The following TMEM232 variants were observed in gnomAD, a reference collection of about 807,000 sequenced individuals.
TMEM232 encodes the protein transmembrane protein 232.
TMEM232 carries 80 observed loss-of-function variants against 78.8 expected under a neutral mutation model. That is an observed-to-expected ratio of 1.01 (90% confidence interval 0.85 to 1.22). TMEM232 has a LOEUF of 1.22. TMEM232 is among the 50% of genes most tolerant of loss of function. TMEM232 has a pLI of 0.00. For missense variants in TMEM232, 881 were observed against 742.2 expected, an observed-to-expected ratio of 1.19 and a Z score of -2.17; for synonymous variants, 297 against 254.3, an observed-to-expected ratio of 1.17 and a Z score of -1.60.
At chr5:110,700,613 G>A (rs1051411009) in intron 1 of TMEM232, among the ~76,000 whole-genome samples, 6 of 151,940 alleles carry the variant, frequency 3.9e-5, no homozygotes, top group Non-Finnish European at 8.8e-5. Flanking sequence ...ATTGCAAAAA[G>A]TTGAAATGGG....
chr5:110,578,777 C>A (rs28470846), intron 10 of TMEM232, among the ~76,000 whole-genome samples: 11,414 of 151,712 alleles, frequency 0.075, 543 homozygotes, highest in South Asian at 0.2. Flanking sequence ...AACATCAATT[C>A]GATAGGAACA....
chr5:110,732,270 T>G lies in TMEM232; in HGVS notation c.-13+2633A>C, dbSNP rs926921474. ...ACTTTCCCATATTTTCCTGTCTTCTTCTGAGCCCTCCAAACTATTCCAACT... is the reference window on the plus strand; with the variant it reads ...ACTTTCCCATATTTTCCTGTCTTCTGCTGAGCCCTCCAAACTATTCCAACT... On this transcript the variant is annotated intron_variant, in intron 2 of 4. Coordinates refer to the TMEM232 transcript ENST00000512886. Among the ~76,000 whole-genome samples the G allele has an allele frequency of 2.6e-5, 4 of 152,202 alleles. No homozygotes were observed. The South Asian group carries it at 8.3e-4, about 32-fold the overall frequency.
intron 12 of TMEM232, 62 bp downstream of exon 12, chr5:110,528,526 A>T (rs761162997): frequency 2.8e-5 from 39 of 1,395,460 alleles, no homozygotes; most frequent in Non-Finnish European, 3.6e-5. Context: ...AATTATCTAT[A>T]ATTTCTGTGA....
At chr5:110,637,588 T>A (rs982447838) in intron 5 of TMEM232, among the ~76,000 whole-genome samples, 6 of 151,260 alleles carry the variant, frequency 4.0e-5, no homozygotes, top group Non-Finnish European at 7.4e-5. Context: ...TATATATATA[T>A]AAAAAACCAT....
At chr5:110,640,184 G>A (rs1786470915) in intron 4 of TMEM232, among the ~76,000 whole-genome samples, 1 of 152,156 alleles carries the variant, frequency 6.6e-6, no homozygotes, top group Admixed American at 6.5e-5. Flanking sequence ...GCTGTGGATG[G>A]CACTGTGATG....
chr5:110,540,466 T>C (rs1772962340), intron 11 of TMEM232, among the ~76,000 whole-genome samples: 2 of 152,208 alleles, frequency 1.3e-5, no homozygotes, highest in African/African-American at 4.8e-5. Context: ...TTGAAACCTG[T>C]AGCACCTTGA....
intron 7 of TMEM232, among the ~76,000 whole-genome samples, chr5:110,622,896 G>A (rs1323114115): frequency 6.6e-6 from 1 of 151,748 alleles, no homozygotes; most frequent in African/African-American, 2.4e-5. Context: ...AATGCTAGAT[G>A]ACGAGTTAGT....
chr5:110,524,257 T>A (rs1484000327), intron 12 of TMEM232, among the ~76,000 whole-genome samples: 1 of 87,686 alleles, frequency 1.1e-5, no homozygotes, highest in African/African-American at 7.7e-5. Flanking sequence ...CGAGACTCAG[T>A]CTCAAAAAAA....
At chr5:110,410,814 T>A (rs1161394965) in intron 2 of TMEM232, among the ~76,000 whole-genome samples, 1 of 152,072 alleles carries the variant, frequency 6.6e-6, no homozygotes, top group Non-Finnish European at 1.5e-5. Context: ...CTGGTTTGAG[T>A]TTGCATTGCT....
At chr5:110,706,116 T>C (rs886983305) in intron 1 of TMEM232, among the ~76,000 whole-genome samples, 1 of 152,082 alleles carries the variant, frequency 6.6e-6, no homozygotes, top group African/African-American at 2.4e-5. Flanking sequence ...ATTTTGGGAA[T>C]TTGAACTCGA....
rs78640424 is a variant in TMEM232, at chr5:110,448,750, T to C, written c.1704-23834A>G. Among the ~76,000 whole-genome samples, 846 of 152,132 alleles carry C rather than the reference T, an allele frequency of 5.6e-3. 8 individuals are homozygous for C. Among genetic ancestry groups the C allele is most frequent in the African/African-American group, 0.02 (815 of 41,546 alleles). On this transcript the variant is annotated intron_variant, in intron 12 of 13. Coordinates refer to ENST00000455884, the MANE Select transcript of TMEM232 (RefSeq NM_001039763.4). ...GGGATGCAAAATACATATTTTATTA[T>C]TGACTTTTGAAAACTTTTGACATAG...
intron 8 of TMEM232, among the ~76,000 whole-genome samples, chr5:110,610,933 T>C (rs1240274637): frequency 1.3e-5 from 2 of 152,120 alleles, no homozygotes; most frequent in African/African-American, 2.4e-5. Flanking sequence ...AAAACATACT[T>C]AGAAATTTAT....
intron 12 of TMEM232, among the ~76,000 whole-genome samples, chr5:110,427,049 TG>T (rs1192082994): frequency 1.3e-5 from 2 of 151,842 alleles, no homozygotes; most frequent in Non-Finnish European, 2.9e-5. Context: ...TTACCTCAGT[TG>T]AATTTTGTGC....
intron 11 of TMEM232, among the ~76,000 whole-genome samples, chr5:110,557,847 C>T (rs542703361): frequency 7.8e-4 from 118 of 152,234 alleles, no homozygotes; most frequent in Non-Finnish European, 1.3e-3. Flanking sequence ...GACATAGATC[C>T]AAACTATATC....
intron 7 of TMEM232, among the ~76,000 whole-genome samples, chr5:110,620,466 T>A (rs1170881740): frequency 6.6e-6 from 1 of 152,094 alleles, no homozygotes; most frequent in Admixed American, 6.6e-5. Flanking sequence ...GAACCCTTAC[T>A]TCCTTAGACT....
At chr5:110,562,073 G>C (rs992689063) in intron 11 of TMEM232, among the ~76,000 whole-genome samples, 1 of 152,044 alleles carries the variant, frequency 6.6e-6, no homozygotes, top group Non-Finnish European at 1.5e-5. Context: ...CATACCATGA[G>C]TTCCAAAGCA....
At chr5:110,714,797 A>G (rs1400055586) in intron 1 of TMEM232, among the ~76,000 whole-genome samples, 1 of 152,208 alleles carries the variant, frequency 6.6e-6, no homozygotes, top group Non-Finnish European at 1.5e-5. Flanking sequence ...AGAGATACAA[A>G]TACAATTAAA....
chr5:110,621,709 CCT>C (rs543837970), intron 7 of TMEM232, among the ~76,000 whole-genome samples: 5 of 151,984 alleles, frequency 3.3e-5, no homozygotes, highest in African/African-American at 1.2e-4. Context: ...TCCTTCCCTC[CCT>C]CTCTTTGTTC....
rs1043558936 is a variant in TMEM232 at position 110,419,865 on chromosome 5, C to G, written c.*715G>C. The stretch of plus-strand genomic sequence containing the variant: ...TCAGAACTTCAGATGAAGTGAAGTT[C>G]CATTTCTAAAATAACTCCTATTTCT... On this transcript the variant is annotated 3_prime_UTR_variant, in exon 14 of 14. Coordinates refer to ENST00000455884, the MANE Select transcript of TMEM232 (RefSeq NM_001039763.4). 6.6e-6 allele frequency among the ~76,000 whole-genome samples: 1 copy of G among 152,130 alleles called. No homozygotes were observed. The highest frequency in any genetic ancestry group is 1.5e-5 in the Non-Finnish European group (1 of 67,986).
Sources: allele counts gnomAD v4.1 joint callset (sites outside exome capture counted in the v4.1 genomes callset), GRCh38; gene constraint gnomAD v4.1.1; transcripts MANE v1.5; gene names NCBI Gene and HGNC (gene_info 2026-07-23, HGNC 2026-07-21).